CTNNA3: variants seen among roughly 807,000 people sequenced by gnomAD.
The protein encoded by CTNNA3 is catenin alpha-3.
Under a neutral mutation model 95.7 loss-of-function variants are expected in CTNNA3, and 76 were observed. The observed-to-expected ratio is 0.79, with a 90% CI of 0.66 to 0.96. The LOEUF is 0.96. Among genes scored for constraint, CTNNA3 ranks in the 40% least tolerant of loss-of-function variants. The probability of loss-of-function intolerance (pLI) is 0.00; values close to 1 mark genes in which losing one functional copy is unlikely to be tolerated. For synonymous variants in CTNNA3, 431 were observed against 374.4 expected (o/e 1.15, Z -1.74); for missense variants, 1,191 against 1,089.8 (o/e 1.09, Z -1.31).
chr10:66,818,320 G>A (rs1842169255), intron 7 of CTNNA3, among the ~76,000 whole-genome samples: 1 of 140,950 alleles, frequency 7.1e-6, no homozygotes, highest in East Asian at 2.1e-4. Flanking sequence ...AGTAGTCTTT[G>A]GAAAATAACT....
chr10:65,956,526 G>A (rs1369674707), intron 17 of CTNNA3, among the ~76,000 whole-genome samples: 1 of 152,112 alleles, frequency 6.6e-6, no homozygotes, highest in African/African-American at 2.4e-5. Context: ...TGGGCATTTA[G>A]TGCTATAAAT....
chr10:66,686,821 C>A (rs10822874), intron 9 of CTNNA3, among the ~76,000 whole-genome samples: 2 of 151,958 alleles, frequency 1.3e-5, no homozygotes, highest in Admixed American at 1.3e-4. Context: ...GAAAAAATAC[C>A]TGTATGAAGA....
intron 7 of CTNNA3, among the ~76,000 whole-genome samples, chr10:67,042,978 T>C (rs937673711): frequency 1.3e-5 from 2 of 152,094 alleles, no homozygotes; most frequent in African/African-American, 4.8e-5. Context: ...TAGGTCTCCA[T>C]ACCTGAGGAA....
At chr10:67,390,324 C>T (rs1298872462) in intron 5 of CTNNA3, among the ~76,000 whole-genome samples, 8 of 152,060 alleles carry the variant, frequency 5.3e-5, no homozygotes, top group Admixed American at 2.0e-4. Context: ...ATAAATTCCT[C>T]GACACATACA....
chr10:66,702,933 A>G (rs1291041228), intron 9 of CTNNA3, among the ~76,000 whole-genome samples: 2 of 152,058 alleles, frequency 1.3e-5, no homozygotes, highest in African/African-American at 2.4e-5. Context: ...TTTAATCATC[A>G]CTATTATCAC....
rs370115984 is a variant in CTNNA3 at position 66,425,758 on chromosome 10, A to G, written c.1532-46406T>C. 4.2e-4 allele frequency among the ~76,000 whole-genome samples: 64 copies of G among 152,150 alleles called. 1 individual carries two copies. The South Asian group carries it at 0.013, about 31-fold the overall frequency. On this transcript the variant is annotated intron_variant, in intron 11 of 17. Coordinates refer to ENST00000433211, the MANE Select transcript of CTNNA3 (RefSeq NM_013266.4). ...CTTTTTATCAAAGTTTAATGTATAC[A>G]ATGTTCATAAAGTATACATCTCACA...
chr10:67,043,450 G>A (rs374100587), intron 7 of CTNNA3, among the ~76,000 whole-genome samples: 8 of 152,206 alleles, frequency 5.3e-5, no homozygotes, highest in South Asian at 2.1e-4. Context: ...AATCTTTTCT[G>A]AGGGAGTAGG....
intron 1 of CTNNA3, among the ~76,000 whole-genome samples, chr10:67,690,381 G>GAA (rs1840820025): frequency 2.0e-5 from 3 of 152,126 alleles, no homozygotes; most frequent in Admixed American, 2.0e-4. Context: ...TGTGGAAGGG[G>GAA]ACCCGAGCAG....
intron 7 of CTNNA3, among the ~76,000 whole-genome samples, chr10:66,988,997 C>T (rs772190020): frequency 6.7e-5 from 10 of 149,062 alleles, no homozygotes; most frequent in Non-Finnish European, 1.3e-4. Context: ...TTTCCTCTCA[C>T]TTAAAAAAAA....
At chr10:66,166,010 T>A (rs2085107631) in intron 13 of CTNNA3, among the ~76,000 whole-genome samples, 1 of 151,792 alleles carries the variant, frequency 6.6e-6, no homozygotes, top group Admixed American at 6.6e-5. Context: ...TTGTGATCCA[T>A]CCTCTTCGGC....
intron 5 of CTNNA3, among the ~76,000 whole-genome samples, chr10:67,468,945 TTGATGAGA>T (rs1281315218): frequency 6.6e-6 from 1 of 152,212 alleles, no homozygotes; most frequent in East Asian, 1.9e-4. Flanking sequence ...TTCATTTGTT[TTGATGAGA>T]ACTTGCATTC....
intron 5 of CTNNA3, among the ~76,000 whole-genome samples, chr10:67,466,538 C>T (rs1306288690): frequency 1.3e-5 from 2 of 152,096 alleles, no homozygotes; most frequent in African/African-American, 4.8e-5. Flanking sequence ...ATATTTTTCT[C>T]CCTAGGAAGA....
intron 10 of CTNNA3, among the ~76,000 whole-genome samples, chr10:66,614,283 T>C (rs1382329848): frequency 6.6e-6 from 1 of 152,046 alleles, no homozygotes; most frequent in African/African-American, 2.4e-5. Flanking sequence ...GGAATAGTAA[T>C]GGCTTCCAGC....
At chr10:67,459,139 C>T (rs185352494) in intron 5 of CTNNA3, among the ~76,000 whole-genome samples, 1 of 152,238 alleles carries the variant, frequency 6.6e-6, no homozygotes, top group African/African-American at 2.4e-5. Context: ...CAATATATAC[C>T]TACAACAGTG....
chr10:66,382,108 G>T (rs1338068674), intron 11 of CTNNA3, among the ~76,000 whole-genome samples: 2 of 152,124 alleles, frequency 1.3e-5, no homozygotes, highest in African/African-American at 4.8e-5. Flanking sequence ...CACAAGGGGT[G>T]AGCTGAAGCA....
intron 10 of CTNNA3, among the ~76,000 whole-genome samples, chr10:66,615,794 C>T (rs1307469860): frequency 1.3e-5 from 2 of 151,956 alleles, no homozygotes; most frequent in African/African-American, 4.8e-5. Context: ...AAATGTCCCT[C>T]TCAACTCCTG....
chr10:67,061,312 T>C (rs1381434833), intron 7 of CTNNA3, among the ~76,000 whole-genome samples: 1 of 152,208 alleles, frequency 6.6e-6, no homozygotes, highest in African/African-American at 2.4e-5. Flanking sequence ...ATCAGGTGCA[T>C]ATTGCTACAC....
At chr10:66,763,127 G>A (rs1554848193) in intron 9 of CTNNA3, among the ~76,000 whole-genome samples, 1 of 151,988 alleles carries the variant, frequency 6.6e-6, no homozygotes, top group Non-Finnish European at 1.5e-5. Context: ...AACTCATATT[G>A]TCCTCTAAAA....
intron 7 of CTNNA3, among the ~76,000 whole-genome samples, chr10:66,807,864 C>A (rs1052000237): frequency 1.3e-5 from 2 of 152,074 alleles, no homozygotes; most frequent in Non-Finnish European, 2.9e-5. Context: ...TATATAACTT[C>A]TTTAATCCAC....
Sources: allele counts gnomAD v4.1 joint callset (sites outside exome capture counted in the v4.1 genomes callset), GRCh38; gene constraint gnomAD v4.1.1; transcripts MANE v1.5; gene names NCBI Gene and HGNC (gene_info 2026-07-23, HGNC 2026-07-21).